SLC25A28: variants seen among roughly 807,000 people sequenced by gnomAD.
SLC25A28 encodes solute carrier family 25 member 28.
SLC25A28 carries 10 observed loss-of-function variants against 31.9 expected under a neutral mutation model. The ratio of observed to expected loss-of-function variants is 0.31; its 90% CI spans 0.19 to 0.53. The LOEUF is 0.53. Among genes scored for constraint, SLC25A28 ranks in the 20% least tolerant of loss-of-function variants. The pLI is 0.95. For synonymous variants in SLC25A28, 208 were observed against 203.6 expected, an observed-to-expected ratio of 1.02 and a Z score of -0.19; for missense variants, 256 against 490.3, an observed-to-expected ratio of 0.52 and a Z score of 4.51.
the SLC25A28 span, among the ~76,000 whole-genome samples, chr10:99,654,521 G>A: frequency 6.6e-6 from 1 of 152,190 alleles, no homozygotes; most frequent in South Asian, 2.1e-4. Context: ...AACTAGCCAG[G>A]TGTGGTGACG....
upstream of SLC25A28, among the ~76,000 whole-genome samples, chr10:99,624,077 CCTTCCTTTCTTCTCTTTCTTT>C (rs1489999703): frequency 1.3e-5 from 2 of 149,782 alleles, no homozygotes; most frequent in East Asian, 2.0e-4. Flanking sequence ...TCTCTTTCTT[CCTTCCTTTCTTCTCTTTCTTT>C]CTTCCTTTCT....
chr10:99,631,875 G>GTTTTTT, the SLC25A28 span, among the ~76,000 whole-genome samples: 13 of 91,974 alleles, frequency 1.4e-4, no homozygotes, highest in African/African-American at 3.6e-4. Context: ...CGCTCAGTAT[G>GTTTTTT]TTATTTTTTT....
the SLC25A28 span, among the ~76,000 whole-genome samples, chr10:99,645,101 G>A: frequency 6.6e-6 from 1 of 152,136 alleles, no homozygotes; most frequent in Non-Finnish European, 1.5e-5. Flanking sequence ...ATGTTGGCCT[G>A]CCTTGCTAGG....
At chr10:99,627,255 A>T in the SLC25A28 span, among the ~76,000 whole-genome samples, 13 of 152,222 alleles carry the variant, frequency 8.5e-5, no homozygotes, top group East Asian at 1.9e-4. Flanking sequence ...AAAATAAAAA[A>T]AAAGTCTTTT....
intron 1 of SLC25A28, chr10:99,619,356 G>GTGCT: frequency 3.0e-6 from 3 of 985,376 alleles, no homozygotes; most frequent in Non-Finnish European, 3.6e-6. Context: ...GGAGGCTGAT[G>GTGCT]TGCTCCCTGA....
the SLC25A28 span, among the ~76,000 whole-genome samples, chr10:99,637,261 G>C: frequency 1.3e-5 from 2 of 152,016 alleles, no homozygotes; most frequent in African/African-American, 4.8e-5. Context: ...AAAACTCTCA[G>C]CAAAATCAGC....
At chr10:99,623,677 C>T (rs896250659), upstream of SLC25A28, among the ~76,000 whole-genome samples, 2 of 152,172 alleles carry the variant, frequency 1.3e-5, no homozygotes, top group Non-Finnish European at 2.9e-5. Flanking sequence ...ATAGGCATGG[C>T]CCTGGGATTT....
upstream of SLC25A28, chr10:99,621,656 C>T (rs1045611207): frequency 2.0e-5 from 3 of 152,402 alleles, no homozygotes; most frequent in African/African-American, 4.8e-5. Context: ...TTCCATTTGC[C>T]TTCCCCGAGC....
the SLC25A28 span, among the ~76,000 whole-genome samples, chr10:99,647,748 G>GT: frequency 6.6e-6 from 1 of 152,272 alleles, no homozygotes; most frequent in Non-Finnish European, 1.5e-5. Context: ...GTCCAGAAGA[G>GT]TTTTTCCCAG....
chr10:99,649,392 G>A, the SLC25A28 span, among the ~76,000 whole-genome samples: 2 of 152,064 alleles, frequency 1.3e-5, no homozygotes, highest in African/African-American at 4.8e-5. Flanking sequence ...TGTTCATCAG[G>A]GATACTGGTC....
At chr10:99,624,758 C>T (rs1332086195), upstream of SLC25A28, among the ~76,000 whole-genome samples, 3 of 152,106 alleles carry the variant, frequency 2.0e-5, no homozygotes, top group African/African-American at 4.8e-5. Context: ...TCACTTGAAC[C>T]CGGGATGCAG....
At chr10:99,651,589 C>CTTTTTT in the SLC25A28 span, among the ~76,000 whole-genome samples, 1 of 43,152 alleles carries the variant, frequency 2.3e-5, no homozygotes, top group Non-Finnish European at 5.2e-5. Context: ...TTGCCTTTTT[C>CTTTTTT]TTTTCTTTTT....
upstream of SLC25A28, chr10:99,620,870 C>T (rs1043990915): frequency 4.1e-6 from 4 of 985,380 alleles, no homozygotes; most frequent in African/African-American, 7.0e-5. Context: ...GCTGCGGTCC[C>T]TGTGCGCGGG....
chr10:99,658,389 C>G, the SLC25A28 span, among the ~76,000 whole-genome samples: 6 of 152,168 alleles, frequency 3.9e-5, no homozygotes, highest in African/African-American at 1.4e-4. Context: ...AGGCAGTGGC[C>G]AGTATTGGGA....
chr10:99,643,005 A>G, the SLC25A28 span, among the ~76,000 whole-genome samples: 1 of 152,264 alleles, frequency 6.6e-6, no homozygotes, highest in African/African-American at 2.4e-5. Flanking sequence ...GATGTTCACC[A>G]GGGATATTAG....
upstream of SLC25A28, chr10:99,621,563 C>G (rs2034795706): frequency 6.6e-6 from 1 of 152,368 alleles, no homozygotes; most frequent in South Asian, 2.1e-4. Flanking sequence ...TTCTCCCTCC[C>G]TCGGGTCAGC....
At chr10:99,625,300 T>C (rs1463708576), upstream of SLC25A28, among the ~76,000 whole-genome samples, 1 of 152,030 alleles carries the variant, frequency 6.6e-6, no homozygotes, top group Non-Finnish European at 1.5e-5. Context: ...CAGCTTTTAT[T>C]CCCTTATTTG....
chr10:99,649,909 A>G, the SLC25A28 span, among the ~76,000 whole-genome samples: 5 of 151,716 alleles, frequency 3.3e-5, no homozygotes, highest in East Asian at 9.7e-4. Flanking sequence ...CTTTTCATTC[A>G]TTGATTTTTT....
the SLC25A28 span, among the ~76,000 whole-genome samples, chr10:99,632,789 A>C: frequency 3.3e-5 from 5 of 152,224 alleles, no homozygotes; most frequent in African/African-American, 4.8e-5. Context: ...GGTATCTCAC[A>C]AATTAGCTTC....
Sources: allele counts gnomAD v4.1 joint callset (sites outside exome capture counted in the v4.1 genomes callset), GRCh38; gene constraint gnomAD v4.1.1; transcripts MANE v1.5; gene names NCBI Gene and HGNC (gene_info 2026-07-23, HGNC 2026-07-21).